The following STXBP5L variants were observed in gnomAD, a reference collection of about 807,000 sequenced individuals.
STXBP5L encodes syntaxin binding protein 5L.
STXBP5L carries 65 observed loss-of-function variants against 144.5 expected under a neutral mutation model. The observed-to-expected ratio is 0.45, with a 90% CI of 0.37 to 0.55. The LOEUF is 0.55. Ranked by LOEUF, STXBP5L falls within the 20% of genes least tolerant of loss-of-function variation. The pLI, the probability that STXBP5L is intolerant of heterozygous loss-of-function variation, is 0.00. For missense variants in STXBP5L, 1,298 were observed against 1,405.5 expected (o/e 0.92, Z 1.22); for synonymous variants, 505 against 469.6 (o/e 1.08, Z -0.97).
chr3:121,281,854 T>C (rs1178833823), intron 19 of STXBP5L, among the ~76,000 whole-genome samples: 2 of 151,926 alleles, frequency 1.3e-5, no homozygotes, highest in East Asian at 1.9e-4. Context: ...TTAGCTTTCT[T>C]TTTAATTGCT....
rs116519716 is a variant in STXBP5L at position 121,290,641 on chromosome 3, C to T, written c.2110+10685C>T. On this transcript the variant is annotated intron_variant, in intron 19 of 26. Coordinates refer to ENST00000471454, the MANE Select transcript of STXBP5L (RefSeq NM_001308330.2). Reference sequence around the variant, plus strand: ...CAGACTGATATCCCTGGTGAACGTACGTGCAAATATCCTCAACAAAATACT... The same window carrying T: ...CAGACTGATATCCCTGGTGAACGTATGTGCAAATATCCTCAACAAAATACT... 4.7e-3 allele frequency among the ~76,000 whole-genome samples: 711 copies of T among 152,100 alleles called. 9 individuals carry two copies. Among genetic ancestry groups the T allele is most frequent in the African/African-American group, 0.016 (656 of 41,546 alleles).
intron 7 of STXBP5L, among the ~76,000 whole-genome samples, chr3:121,122,083 T>C (rs2044492971): frequency 1.3e-5 from 2 of 151,162 alleles, no homozygotes; most frequent in South Asian, 4.1e-4. Context: ...AATTAGCCAA[T>C]CTTGATTTCA....
At chr3:121,012,872 A>T (rs1399465043) in intron 3 of STXBP5L, among the ~76,000 whole-genome samples, 1 of 151,612 alleles carries the variant, frequency 6.6e-6, no homozygotes, top group Non-Finnish European at 1.5e-5. Context: ...TATCTCCAGT[A>T]TTTATGGTTC....
At chr3:121,038,566 T>C (rs1037045711) in intron 3 of STXBP5L, among the ~76,000 whole-genome samples, 4 of 152,074 alleles carry the variant, frequency 2.6e-5, no homozygotes, top group African/African-American at 7.2e-5. Context: ...AGTATATTTA[T>C]TCTGCTCTTT....
chr3:121,056,257 A>T (rs576240654), intron 5 of STXBP5L, among the ~76,000 whole-genome samples: 2 of 152,210 alleles, frequency 1.3e-5, no homozygotes, highest in Non-Finnish European at 2.9e-5. Flanking sequence ...TAGGCATAGC[A>T]GTCCTTGCTA....
At chr3:121,084,490 T>G (rs9810811) in intron 5 of STXBP5L, among the ~76,000 whole-genome samples, 15,107 of 152,164 alleles carry the variant, frequency 0.099, 1,180 homozygotes, top group Admixed American at 0.2. Flanking sequence ...ACATGGCTGA[T>G]GATAATGGCT....
chr3:121,115,767 C>G (rs756257704), intron 6 of STXBP5L, among the ~76,000 whole-genome samples: 3 of 152,080 alleles, frequency 2.0e-5, no homozygotes, highest in Non-Finnish European at 2.9e-5. Context: ...AGGGAGGCCT[C>G]AGGAAGCTTA....
At chr3:120,981,475 T>C (rs999256783) in intron 3 of STXBP5L, among the ~76,000 whole-genome samples, 1 of 152,158 alleles carries the variant, frequency 6.6e-6, no homozygotes, top group Admixed American at 6.5e-5. Flanking sequence ...TCTAGCCTAT[T>C]ATTAGGGCTT....
chr3:120,980,361 T>C (rs966388704), intron 3 of STXBP5L, among the ~76,000 whole-genome samples: 1 of 152,206 alleles, frequency 6.6e-6, no homozygotes, highest in Non-Finnish European at 1.5e-5. Flanking sequence ...TATCTCTTAG[T>C]TCTGGTAGTG....
At chr3:121,260,572 AT>A (rs1162324375) in intron 18 of STXBP5L, among the ~76,000 whole-genome samples, 2 of 152,042 alleles carry the variant, frequency 1.3e-5, no homozygotes, top group Admixed American at 1.3e-4. Flanking sequence ...TCTGTCTGGA[AT>A]TTTTTTAAGT....
At chr3:121,082,086 T>G (rs892047241) in intron 5 of STXBP5L, among the ~76,000 whole-genome samples, 13 of 152,216 alleles carry the variant, frequency 8.5e-5, no homozygotes, top group Non-Finnish European at 1.3e-4. Context: ...AAAATTGTCT[T>G]AGTTACTCTA....
At chr3:121,161,293 C>T in intron 9 of STXBP5L, among the ~76,000 whole-genome samples, 1 of 146,342 alleles carries the variant, frequency 6.8e-6, no homozygotes, top group East Asian at 2.0e-4. Context: ...GATTTAGATT[C>T]CTGAAGTGAC....
intron 2 of STXBP5L, among the ~76,000 whole-genome samples, chr3:120,917,784 A>T (rs1709175902): frequency 6.6e-6 from 1 of 152,194 alleles, no homozygotes; most frequent in Non-Finnish European, 1.5e-5. Flanking sequence ...AAGAATACAT[A>T]TTTCATTTGA....
chr3:121,180,643 G>C (rs1389601656), intron 9 of STXBP5L, among the ~76,000 whole-genome samples: 4 of 152,238 alleles, frequency 2.6e-5, no homozygotes, highest in African/African-American at 9.6e-5. Flanking sequence ...GGCAGGCCGA[G>C]GCAGGTGGAT....
chr3:121,388,424 C>T (rs2046485168), intron 22 of STXBP5L, among the ~76,000 whole-genome samples: 1 of 152,206 alleles, frequency 6.6e-6, no homozygotes, highest in African/African-American at 2.4e-5. Flanking sequence ...GCCAGAACTT[C>T]CAACACTATA....
chr3:121,020,474 A>G (rs1945468377), intron 3 of STXBP5L, among the ~76,000 whole-genome samples: 1 of 152,184 alleles, frequency 6.6e-6, no homozygotes, highest in South Asian at 2.1e-4. Flanking sequence ...GTTATCTAAA[A>G]TCATGATGAA....
At chr3:121,045,588 G>A (rs1553784298) in intron 5 of STXBP5L, 53 bp downstream of exon 5, 1 of 1,536,014 alleles carries the variant, frequency 6.5e-7, no homozygotes, top group African/African-American at 1.4e-5. Context: ...ATTATTTCCT[G>A]AGCAAGTTTT....
In STXBP5L at chr3:121,422,867, G is replaced by T. The variant is rs1211205765; in HGVS notation, c.*3770G>T. On this transcript the variant is annotated 3_prime_UTR_variant, in exon 27 of 27. Transcript: ENST00000471454. ...ATGTGACCCATGTACCAGTTTTAAA[G>T]GCATCATCTATACTTTATCTACATG... 1 of 152,032 alleles carries T rather than the reference G, an allele frequency of 6.6e-6. No homozygotes were observed. Among genetic ancestry groups the T allele is most frequent in the Non-Finnish European group, 1.5e-5 (1 of 68,010 alleles). 9.4% of individuals were successfully genotyped at this position (152,032 alleles called of 1,614,324 possible).
chr3:120,966,281 T>C (rs1440042246), intron 3 of STXBP5L, among the ~76,000 whole-genome samples: 3 of 152,204 alleles, frequency 2.0e-5, no homozygotes, highest in Non-Finnish European at 4.4e-5. Flanking sequence ...CCTACTTCTG[T>C]CAACTTGTCA....
Sources: gnomAD v4.1 joint callset for allele counts (sites outside exome capture counted in the v4.1 genomes callset) on GRCh38, gnomAD v4.1.1 for gene constraint, MANE v1.5 for transcripts, NCBI Gene and HGNC (gene_info 2026-07-23, HGNC 2026-07-21) for gene names.